Variants in NAV1 observed in about 807,000 individuals in gnomAD.
NAV1 encodes neuron navigator 1, also known as pore membrane and/or filament interacting like protein 3.
Under a neutral mutation model 175.2 loss-of-function variants are expected in NAV1, and 18 were observed. The ratio of observed to expected loss-of-function variants is 0.10; its 90% confidence interval spans 0.07 to 0.15. NAV1 has a LOEUF of 0.15. Ranked by LOEUF, NAV1 falls within the 10% of genes least tolerant of loss-of-function variation. NAV1 has a pLI of 1.00. For missense variants in NAV1, 1,731 were observed against 2,436.6 expected (o/e 0.71, Z 6.10); for synonymous variants, 897 against 978.7 (o/e 0.92, Z 1.56).
At chr1:201,701,420 AT>A (rs1316495768) in intron 1 of NAV1, among the ~76,000 whole-genome samples, 509 of 66,372 alleles carry the variant, frequency 7.7e-3, no homozygotes, top group Non-Finnish European at 0.015. Context: ...AATAAAAAAA[AT>A]AAAAAAAGAA....
At position 201,649,286 on chromosome 1, in the gene NAV1, C is replaced by G. The variant is rs764849197; in HGVS notation, c.618C>G (p.Ser206Arg). ...AATCGGACGACGAGCTGCTCTCCAG[C>G]AAGGCCAAGGCGCAAAAGAGCTCTG... The change falls in exon 1 of 30, where the codon AGC (serine) becomes AGG (arginine). Residue 206 changes from serine to arginine, a missense_variant. Physicochemically the swap from Ser to Arg is moderately radical, Grantham distance 110 (BLOSUM62 -1). Transcript: ENST00000367296. The G allele has an allele frequency of 1.9e-6, 3 of 1,613,102 alleles. No homozygotes were observed. The Admixed American group carries it at 5.0e-5, about 27-fold the overall frequency.
At chr1:201,631,907 C>A (rs1052577300) in intron 2 of NAV1, among the ~76,000 whole-genome samples, 10 of 152,244 alleles carry the variant, frequency 6.6e-5, no homozygotes, top group Admixed American at 4.6e-4. Context: ...CATCACCTAG[C>A]ACAGTGCCTG....
chr1:201,798,394 A>G (rs1331300684), intron 15 of NAV1: 2 of 152,190 alleles, frequency 1.3e-5, no homozygotes, highest in African/African-American at 2.4e-5. Context: ...TAATCCCAGC[A>G]CTTCAGAAGG....
intron 1 of NAV1, among the ~76,000 whole-genome samples, chr1:201,703,965 A>G (rs1172431968): frequency 1.3e-5 from 2 of 152,184 alleles, no homozygotes; most frequent in African/African-American, 4.8e-5. Context: ...GATCTATTTA[A>G]TATTTCCCCA....
chr1:201,545,947 A>G (rs1181400963), intron 1 of NAV1, among the ~76,000 whole-genome samples: 1 of 152,234 alleles, frequency 6.6e-6, no homozygotes, highest in Non-Finnish European at 1.5e-5. Context: ...GGATTTCAAG[A>G]GTCAGTTACC....
chr1:201,711,298 G>A (rs1311906689), intron 1 of NAV1, among the ~76,000 whole-genome samples: 4 of 152,242 alleles, frequency 2.6e-5, no homozygotes, highest in African/African-American at 7.2e-5. Context: ...GGAAAGGAGG[G>A]ATGGCTGGGC....
chr1:201,620,013 T>C (rs1207552076), upstream of NAV1, among the ~76,000 whole-genome samples: 2 of 152,220 alleles, frequency 1.3e-5, no homozygotes, highest in Non-Finnish European at 2.9e-5. Flanking sequence ...CTTGTGGAAA[T>C]TATTTCATTT....
intron 3 of NAV1, among the ~76,000 whole-genome samples, chr1:201,733,858 ATG>A (rs572986005): frequency 3.3e-4 from 50 of 152,330 alleles, no homozygotes; most frequent in Non-Finnish European, 6.0e-4. Flanking sequence ...GCCAGAGGCC[ATG>A]TGTGCCATGC....
chr1:201,803,738 G>GA, intron 16 of NAV1, 24 bp downstream of exon 20: 4 of 1,607,206 alleles, frequency 2.5e-6, no homozygotes, highest in Non-Finnish European at 3.4e-6. Flanking sequence ...TGGGGGGTGG[G>GA]AAGTAGGTAG....
At chr1:201,586,945 T>C (rs977150316) in intron 1 of NAV1, among the ~76,000 whole-genome samples, 4 of 152,184 alleles carry the variant, frequency 2.6e-5, no homozygotes, top group African/African-American at 9.7e-5. Flanking sequence ...GCACAGTAGC[T>C]CACGCCTGTA....
intron 2 of NAV1, among the ~76,000 whole-genome samples, chr1:201,715,747 C>T (rs572033555): frequency 6.6e-6 from 1 of 152,336 alleles, no homozygotes; most frequent in African/African-American, 2.4e-5. Context: ...TGTTTTCACC[C>T]AGGAACTCCC....
At chr1:201,814,760 C>T (rs1467555814) in intron 28 of NAV1, among the ~76,000 whole-genome samples, 2 of 151,894 alleles carry the variant, frequency 1.3e-5, no homozygotes, top group Non-Finnish European at 2.9e-5. Flanking sequence ...AAAAAAAAAG[C>T]CGGGTGCGGT....
rs796562847 is a variant in NAV1, at chr1:201,733,181, C to G, written c.1226+14426C>G. ...GGATCATGAGGTCAAGAGATCGAGACCATCCTGGCCAACATGGTGAAACCC... is the reference window on the plus strand; with the variant it reads ...GGATCATGAGGTCAAGAGATCGAGAGCATCCTGGCCAACATGGTGAAACCC... On this transcript the variant is annotated intron_variant, in intron 3 of 29. Coordinates refer to ENST00000367296, the Ensembl canonical transcript of NAV1. 4.6e-5 allele frequency among the ~76,000 whole-genome samples: 7 copies of G among 151,898 alleles called. No homozygotes were observed. The East Asian group carries it at 1.2e-3, about 25-fold the overall frequency.
intron 28 of NAV1, among the ~76,000 whole-genome samples, chr1:201,816,674 C>CTTT (rs35468878): frequency 0.017 from 1,711 of 102,724 alleles, 125 homozygotes; most frequent in African/African-American, 0.039. Context: ...AGGAAGTGCA[C>CTTT]TTTTTTTTTT....
chr1:201,628,434 A>G (rs1477345529), intron 1 of NAV1, among the ~76,000 whole-genome samples: 1 of 152,160 alleles, frequency 6.6e-6, no homozygotes, highest in African/African-American at 2.4e-5. Context: ...AGAGGAGAAG[A>G]GATCTACTCC....
chr1:201,691,915 A>G (rs1246394456), intron 1 of NAV1, among the ~76,000 whole-genome samples: 1 of 152,228 alleles, frequency 6.6e-6, no homozygotes, highest in Non-Finnish European at 1.5e-5. Context: ...TGTGGTCTAG[A>G]GACCTCATGT....
chr1:201,591,825 G>C (rs933863017), intron 2 of NAV1, among the ~76,000 whole-genome samples: 2 of 152,170 alleles, frequency 1.3e-5, no homozygotes, highest in Non-Finnish European at 2.9e-5. Context: ...GGGAAAGGAA[G>C]GGACATGGAC....
At chr1:201,550,344 G>A (rs113435675) in intron 1 of NAV1, among the ~76,000 whole-genome samples, 15,022 of 151,898 alleles carry the variant, frequency 0.099, 991 homozygotes, top group Non-Finnish European at 0.15. Context: ...GCTAATTTTT[G>A]TATATTTTGT....
intron 2 of NAV1, among the ~76,000 whole-genome samples, chr1:201,633,423 G>A (rs1039320572): frequency 3.9e-5 from 6 of 152,144 alleles, no homozygotes; most frequent in Admixed American, 2.0e-4. Flanking sequence ...ATCCAGCTAG[G>A]AGGCTGTGCC....
Sources: gnomAD v4.1 joint callset for allele counts (sites outside exome capture counted in the v4.1 genomes callset) on GRCh38, gnomAD v4.1.1 for gene constraint, MANE v1.5 for transcripts, NCBI Gene and HGNC (gene_info 2026-07-23, HGNC 2026-07-21) for gene names.